The following PKHD1 variants were observed in gnomAD, a reference collection of about 807,000 sequenced individuals.
The protein encoded by PKHD1 is fibrocystin.
In PKHD1, 291 loss-of-function variants were observed where a neutral mutation model predicts 412.0. The ratio of observed to expected loss-of-function variants is 0.71; its 90% CI spans 0.64 to 0.78. PKHD1 has a LOEUF of 0.78. PKHD1 is among the 30% of genes least tolerant of loss of function. The probability of loss-of-function intolerance (pLI) is 0.00; values close to 1 mark genes in which losing one functional copy is unlikely to be tolerated. For missense variants in PKHD1, 4,825 were observed against 4,950.7 expected (o/e 0.97, Z 0.76); for synonymous variants, 1,777 against 1,821.5 (o/e 0.98, Z 0.62).
At chr6:51,758,014 AAGAGAGAGAGAGAGAG>A (rs10534219) in intron 55 of PKHD1, among the ~76,000 whole-genome samples, 41 of 126,126 alleles carry the variant, frequency 3.3e-4, no homozygotes, top group African/African-American at 1.2e-3. Context: ...ACCCTGCCAA[AAGAGAGAGAGAGAGAG>A]AGAGAGAGAG....
At chr6:52,029,140 A>G (rs1024007511) in intron 29 of PKHD1, among the ~76,000 whole-genome samples, 7 of 152,272 alleles carry the variant, frequency 4.6e-5, no homozygotes, top group South Asian at 2.1e-4. Flanking sequence ...GATGATTTAT[A>G]TGGGGCAATT....
intron 60 of PKHD1, among the ~76,000 whole-genome samples, chr6:51,681,069 A>G (rs1253301179): frequency 6.6e-6 from 1 of 152,070 alleles, no homozygotes; most frequent in East Asian, 1.9e-4. Flanking sequence ...AGTAAAATCA[A>G]TGGAAAACCC....
intron 33 of PKHD1, among the ~76,000 whole-genome samples, chr6:52,019,817 T>C (rs1037819497): frequency 6.6e-6 from 1 of 152,240 alleles, no homozygotes; most frequent in African/African-American, 2.4e-5. Flanking sequence ...ACAGGATGTT[T>C]TGGCAACTCA....
chr6:52,073,750 A>G (rs1810974201), intron 6 of PKHD1, among the ~76,000 whole-genome samples: 1 of 152,178 alleles, frequency 6.6e-6, no homozygotes, highest in Non-Finnish European at 1.5e-5. Context: ...TAAAATAAGC[A>G]ATTGTTTCAA....
At chr6:51,912,625 A>G (rs778796327) in intron 37 of PKHD1, 49 bp from the exon 38 acceptor site, 3 of 1,177,220 alleles carry the variant, frequency 2.5e-6, no homozygotes, top group Non-Finnish European at 3.8e-6. Context: ...TCATTAATCA[A>G]AACGTGATTA....
intron 35 of PKHD1, among the ~76,000 whole-genome samples, chr6:51,992,169 G>C (rs1338526137): frequency 6.6e-6 from 1 of 152,222 alleles, no homozygotes; most frequent in Non-Finnish European, 1.5e-5. Context: ...GGCAGTTCAA[G>C]TAAAGGGTTT....
intron 60 of PKHD1, among the ~76,000 whole-genome samples, chr6:51,686,733 G>A (rs756331433): frequency 1.4e-4 from 22 of 152,118 alleles, no homozygotes; most frequent in Admixed American, 1.2e-3. Flanking sequence ...AAAAGCACCA[G>A]GCACATAGTA....
Position 52,046,046 on chromosome 6 carries a change from C to T in PKHD1, c.2550G>A (p.Leu850=), listed in dbSNP as rs140920157. 45 of 1,613,588 alleles carry T rather than the reference C, an allele frequency of 2.8e-5. No individual in the cohort carries two copies. Among genetic ancestry groups the T allele is most frequent in the Non-Finnish European group, 3.6e-5 (43 of 1,179,756 alleles). Residue 850 remains leucine, a synonymous_variant, in exon 24 of 67, where the codon TTG becomes TTA. Coordinates refer to ENST00000371117, the MANE Select transcript of PKHD1 (RefSeq NM_138694.4). ...LYTCYEHVWT[L]SWSTQIGDLP... is the part of the protein sequence containing the mutation. ...AATCCCCAATCTGAGTGGACCAGGA[C>T]AAGGTCCACACGTGTTCGTAGCAAG...
At chr6:51,733,501 C>T (rs572537616) in intron 60 of PKHD1, among the ~76,000 whole-genome samples, 1 of 144,866 alleles carries the variant, frequency 6.9e-6, no homozygotes, top group East Asian at 2.1e-4. Flanking sequence ...CACACCACTG[C>T]ACTCCAGCCT....
intron 52 of PKHD1, among the ~76,000 whole-genome samples, chr6:51,823,609 A>T (rs776818491): frequency 1.3e-5 from 2 of 152,206 alleles, no homozygotes; most frequent in Non-Finnish European, 2.9e-5. Flanking sequence ...TCAAGCAGAC[A>T]TGGACAAATT....
intron 60 of PKHD1, among the ~76,000 whole-genome samples, chr6:51,671,377 G>A (rs1478212803): frequency 3.3e-5 from 5 of 152,062 alleles, no homozygotes; most frequent in African/African-American, 7.2e-5. Context: ...CGTAGTTCTC[G>A]AGCCTTGGTT....
At chr6:52,015,483 GT>G (rs1393499257) in intron 34 of PKHD1, among the ~76,000 whole-genome samples, 1 of 152,154 alleles carries the variant, frequency 6.6e-6, no homozygotes, top group Non-Finnish European at 1.5e-5. Flanking sequence ...ATTAAACTTT[GT>G]TTGTTTAAAT....
At position 51,820,183 on chromosome 6, in the gene PKHD1, G is replaced by A. The variant is rs533772264; in HGVS notation, c.8302+10678C>T. 1.5e-4 allele frequency among the ~76,000 whole-genome samples: 7 copies of A among 45,472 alleles called. No individual in the cohort carries two copies. The South Asian group carries it at 0.013, about 84-fold the overall frequency. The allele number at this position is 45,472 out of a possible 152,430, so 29.8% of individuals were successfully genotyped here. On this transcript the variant is annotated intron_variant, in intron 52 of 66. Coordinates refer to ENST00000371117, the MANE Select transcript of PKHD1 (RefSeq NM_138694.4). The stretch of plus-strand genomic sequence containing the variant: ...ATGATTTAGATTCCCATAGCCTAAG[G>A]TATGTGTTCCAAAAGGAAACACCCC...
At chr6:51,950,220 A>AAAAATATATATATATATATATAT in intron 36 of PKHD1, among the ~76,000 whole-genome samples, 71 of 98,272 alleles carry the variant, frequency 7.2e-4, no homozygotes, top group Admixed American at 3.3e-3. Flanking sequence ...GAAAAAAAAA[A>AAAAATATATATATATATATATAT]ATATATATAT....
chr6:52,066,448 A>C (rs1809717465), intron 11 of PKHD1, among the ~76,000 whole-genome samples: 1 of 152,184 alleles, frequency 6.6e-6, no homozygotes, highest in Non-Finnish European at 1.5e-5. Context: ...GTACACTGGG[A>C]AAGGCTTCAG....
intron 36 of PKHD1, among the ~76,000 whole-genome samples, chr6:51,939,153 G>A (rs1186201850): frequency 6.6e-6 from 1 of 151,184 alleles, no homozygotes; most frequent in South Asian, 2.1e-4. Flanking sequence ...TTTCTGGGGG[G>A]CAAGGACCCC....
chr6:51,786,925 G>C (rs1792961054), intron 53 of PKHD1, among the ~76,000 whole-genome samples: 1 of 152,220 alleles, frequency 6.6e-6, no homozygotes, highest in African/African-American at 2.4e-5. Flanking sequence ...AACGAAGAAT[G>C]AAATTGAGTT....
chr6:51,923,234 T>C (rs1426287029), intron 37 of PKHD1, among the ~76,000 whole-genome samples: 1 of 152,170 alleles, frequency 6.6e-6, no homozygotes, highest in African/African-American at 2.4e-5. Flanking sequence ...ACAAACTATA[T>C]CAGAATCAAT....
chr6:51,707,159 G>A (rs1780108889), intron 60 of PKHD1, among the ~76,000 whole-genome samples: 1 of 152,078 alleles, frequency 6.6e-6, no homozygotes, highest in South Asian at 2.1e-4. Flanking sequence ...TAAGTATGCT[G>A]GGGAGTGATT....
Sources: allele counts gnomAD v4.1 joint callset (sites outside exome capture counted in the v4.1 genomes callset), GRCh38; gene constraint gnomAD v4.1.1; transcripts MANE v1.5; gene names NCBI Gene and HGNC (gene_info 2026-07-23, HGNC 2026-07-21).